Variants in PTPN3 observed in about 807,000 individuals in gnomAD.
PTPN3 encodes protein tyrosine phosphatase non-receptor type 3.
Under a neutral mutation model 132.7 loss-of-function variants are expected in PTPN3, and 96 were observed. The observed-to-expected ratio is 0.72, with a 90% CI of 0.61 to 0.86. The LOEUF (loss-of-function observed/expected upper bound fraction) is 0.86. PTPN3 is among the 40% of genes least tolerant of loss of function. The pLI is 0.00. For missense variants in PTPN3, 1,125 were observed against 1,159.6 expected, an observed-to-expected ratio of 0.97 and a Z score of 0.43; for synonymous variants, 398 against 429.0, an observed-to-expected ratio of 0.93 and a Z score of 0.89.
Position 109,406,515 on chromosome 9 carries a change from T to C in PTPN3, c.1739A>G (p.Lys580Arg), listed in dbSNP as rs201209769. 1.7e-4 allele frequency: 275 copies of C among 1,614,178 alleles called. 1 individual carries two copies. The East Asian group carries it at 3.7e-3, about 21-fold the overall frequency. ...HTHDQVVMFI[K>R]ASRESHSREL... ...CCGTGAGTGGGACTCCCGGCTGGCT[T>C]TGATGAACATCACCACTTGGTCATG... Residue 580 changes from lysine (K) to arginine (R), a missense_variant, in exon 18 of 26, where the codon AAA (lysine) becomes AGA (arginine). Physicochemically the swap from Lys to Arg is conservative, Grantham distance 26. Coordinates refer to ENST00000374541, the MANE Select transcript of PTPN3 (RefSeq NM_002829.4).
chr9:109,518,144 T>C, the PTPN3 span, among the ~76,000 whole-genome samples: 4 of 152,206 alleles, frequency 2.6e-5, no homozygotes, highest in African/African-American at 9.7e-5. Context: ...TTACATACTC[T>C]CCAGTTACCT....
At chr9:109,515,001 T>C in the PTPN3 span, among the ~76,000 whole-genome samples, 2 of 152,200 alleles carry the variant, frequency 1.3e-5, no homozygotes, top group African/African-American at 4.8e-5. Flanking sequence ...TGCAGCATTA[T>C]TGGGGCCAGA....
chr9:109,404,654 G>A (rs756143933), intron 18 of PTPN3, 46 bp from the exon 19 acceptor site: 4 of 1,378,558 alleles, frequency 2.9e-6, no homozygotes, highest in Middle Eastern at 1.9e-4. Context: ...GCAATACTCA[G>A]GTTTATCCGT....
the PTPN3 span, among the ~76,000 whole-genome samples, chr9:109,535,647 T>C: frequency 5.9e-4 from 90 of 152,166 alleles, no homozygotes; most frequent in Non-Finnish European, 9.6e-4. Flanking sequence ...GCTGGGACTA[T>C]AGGTGCGTGC....
At chr9:109,404,874 TA>T (rs1240108559) in intron 18 of PTPN3, among the ~76,000 whole-genome samples, 4 of 152,228 alleles carry the variant, frequency 2.6e-5, no homozygotes, top group African/African-American at 9.6e-5. Context: ...TTGTCAAAGG[TA>T]AAGAAAAGAG....
rs952191786 is a variant in PTPN3 at position 109,498,069 on chromosome 9, G to T, written c.-18+150C>A. On this transcript the variant is annotated intron_variant, in intron 1 of 25. Coordinates refer to ENST00000374541, the MANE Select transcript of PTPN3 (RefSeq NM_002829.4). The surrounding 1 kb of genome is among the most constrained non-coding windows in gnomAD (Gnocchi z 4.2). ...CCCTCCCCGCCCCGACGTGGTGCGG[G>T]GATCCCGGTGCAGCCGCACCCGCCA... 1.4e-5 allele frequency: 2 copies of T among 145,304 alleles called. No individual in the cohort carries two copies. Among genetic ancestry groups the T allele is most frequent in the African/African-American group, 4.9e-5 (2 of 40,532 alleles). The allele number at this position is 145,304 out of a possible 1,614,324, so 9.0% of individuals were successfully genotyped here.
At chr9:109,477,363 C>T (rs75862441) in intron 1 of PTPN3, among the ~76,000 whole-genome samples, 4,969 of 152,270 alleles carry the variant, frequency 0.033, 193 homozygotes, top group East Asian at 0.22. Context: ...ACATTAGAAA[C>T]TTGAGTAATG....
At chr9:109,501,494 G>A (rs1199529276), upstream of PTPN3, among the ~76,000 whole-genome samples, 1 of 152,120 alleles carries the variant, frequency 6.6e-6, no homozygotes, top group East Asian at 1.9e-4. Context: ...ACCTTTAAAT[G>A]TTCTAGTCTC....
At chr9:109,517,938 G>A in the PTPN3 span, among the ~76,000 whole-genome samples, 1 of 152,282 alleles carries the variant, frequency 6.6e-6, no homozygotes, top group African/African-American at 2.4e-5. Flanking sequence ...GCTGTGGTTT[G>A]GCAATGACTG....
In PTPN3 at chr9:109,404,539, G is replaced by T; in HGVS notation, c.1862C>A (p.Pro621His). 2 of 1,569,334 alleles carry T rather than the reference G, an allele frequency of 1.3e-6. No individual in the cohort carries two copies. Among genetic ancestry groups the T allele is most frequent in the South Asian group, 1.2e-5 (1 of 82,118 alleles). Residue 621 changes from proline (P) to histidine (H), a missense_variant, in exon 19 of 26, where the codon CCC (proline) becomes CAC (histidine). Transcript: ENST00000374541. ...LNQLFPEAIF[P>H]MCPEGGDTLE... Reference sequence around the variant, plus strand: ...AGTGTCCCCACCCTCCGGACACATGGGGAAAATGGCTTCGGGGAAAAGCTG... The same window carrying T: ...AGTGTCCCCACCCTCCGGACACATGTGGAAAATGGCTTCGGGGAAAAGCTG...
chr9:109,463,129 T>C (rs1845930826), intron 2 of PTPN3, among the ~76,000 whole-genome samples, 168 bp downstream of exon 2: 2 of 151,486 alleles, frequency 1.3e-5, no homozygotes, highest in African/African-American at 4.8e-5. Flanking sequence ...GAGGTGAAAT[T>C]GGGGCAACAT....
chr9:109,456,079 G>A (rs1249084567), intron 4 of PTPN3, among the ~76,000 whole-genome samples: 1 of 152,216 alleles, frequency 6.6e-6, no homozygotes, highest in Non-Finnish European at 1.5e-5. Context: ...CGGGCTCCCT[G>A]TGGGGGCAGC....
chr9:109,408,790 A>ATATATATATATATAT (rs1293697190), intron 16 of PTPN3, among the ~76,000 whole-genome samples: 60 of 59,188 alleles, frequency 1.0e-3, no homozygotes, highest in Non-Finnish European at 1.7e-3. Context: ...TTAAAAAAAA[A>ATATATATATATATAT]AAAAAAATAT....
At chr9:109,513,316 G>A in the PTPN3 span, among the ~76,000 whole-genome samples, 2 of 152,062 alleles carry the variant, frequency 1.3e-5, no homozygotes, top group African/African-American at 2.4e-5. Context: ...CACCACATCC[G>A]GCGTGGAATG....
intron 14 of PTPN3, among the ~76,000 whole-genome samples, chr9:109,416,363 A>C (rs1013844005): frequency 2.6e-5 from 4 of 152,108 alleles, no homozygotes; most frequent in East Asian, 3.9e-4. Context: ...GGCTGGGGGA[A>C]TTCCTACACT....
intron 18 of PTPN3, among the ~76,000 whole-genome samples, chr9:109,405,242 C>G (rs1397934982): frequency 6.6e-6 from 1 of 152,178 alleles, no homozygotes; most frequent in East Asian, 1.9e-4. Context: ...CCCAACCTTG[C>G]ACAGGTGGGG....
Position 109,468,067 on chromosome 9 carries a change from T to A in PTPN3, c.-17-4616A>T, listed in dbSNP as rs114793500. On this transcript the variant is annotated intron_variant, in intron 1 of 25. Transcript: ENST00000374541. ...TTCAGATTGTCTTGAAATTACATCT[T>A]AAACAATCTGGTCGGGACAATGGAT... Among the ~76,000 whole-genome samples the A allele has an allele frequency of 3.2e-3, 484 of 152,306 alleles. 3 individuals are homozygous for A. Among genetic ancestry groups the A allele is most frequent in the African/African-American group, 0.011 (467 of 41,570 alleles).
intron 11 of PTPN3, among the ~76,000 whole-genome samples, 193 bp downstream of exon 11, chr9:109,428,428 A>AAC (rs1314838077): frequency 6.6e-6 from 1 of 152,166 alleles, no homozygotes; most frequent in East Asian, 1.9e-4. Flanking sequence ...TCAACCCTTA[A>AAC]AGAACTAAAA....
chr9:109,446,035 TG>T (rs1844831793), intron 6 of PTPN3, among the ~76,000 whole-genome samples: 1 of 152,220 alleles, frequency 6.6e-6, no homozygotes, highest in Non-Finnish European at 1.5e-5. Context: ...TTGAATCCTC[TG>T]ATTGCTCCCT....
Sources: allele counts gnomAD v4.1 joint callset (sites outside exome capture counted in the v4.1 genomes callset), GRCh38; gene constraint gnomAD v4.1.1; non-coding constraint Gnocchi (gnomAD v3.1); transcripts MANE v1.5; gene names NCBI Gene and HGNC (gene_info 2026-07-23, HGNC 2026-07-21).